Variants in PAWR observed in about 807,000 individuals in gnomAD.
PAWR encodes the protein PRKC apoptosis WT1 regulator protein.
A neutral mutation model predicts 32.0 loss-of-function variants in PAWR; 23 were observed. That is an observed-to-expected ratio of 0.72 (90% confidence interval 0.52 to 1.02). The LOEUF is 1.02. Among genes scored for constraint, PAWR ranks in the 50% least tolerant of loss-of-function variants. The pLI is 0.00. For missense variants in PAWR, 457 were observed against 437.7 expected (o/e 1.04, Z -0.39); for synonymous variants, 226 against 187.1 (o/e 1.21, Z -1.70).
At chr12:79,632,350 TATATATATATA>T (rs1566011135) in intron 2 of PAWR, among the ~76,000 whole-genome samples, 1,383 of 59,568 alleles carry the variant, frequency 0.023, 44 homozygotes, top group Non-Finnish European at 0.027. Flanking sequence ...TATATATATA[TATATATATATA>T]TTTTTTTTTT....
intron 2 of PAWR, among the ~76,000 whole-genome samples, chr12:79,641,602 A>T (rs1207129503): frequency 3.3e-5 from 5 of 152,270 alleles, no homozygotes; most frequent in Admixed American, 6.5e-5. Context: ...TAATCCCAGC[A>T]CTATGGGAGG....
In PAWR at chr12:79,589,178, A is replaced by C. The variant is rs1873474273; in HGVS notation, c.*3429T>G. 1 of 151,958 alleles carries C rather than the reference A, an allele frequency of 6.6e-6. No homozygotes were observed. The highest frequency in any genetic ancestry group is 2.1e-4 in the South Asian group (1 of 4,824). The allele number at this position is 151,958 out of a possible 1,614,324, so 9.4% of individuals were successfully genotyped here. A position where few individuals can be genotyped will look rare whatever the true frequency, so the allele number is the denominator to read the frequency against. On this transcript the variant is annotated 3_prime_UTR_variant, in exon 7 of 7. Transcript: ENST00000328827. ...AACTATACACATATGCACAAAAAAA[A>C]AACTCCAAAGAAAGATACCTATCAC... is the stretch of plus-strand genomic sequence containing the variant.
chr12:79,643,450 C>T (rs929675568), intron 2 of PAWR, among the ~76,000 whole-genome samples: 7 of 152,014 alleles, frequency 4.6e-5, no homozygotes, highest in Admixed American at 6.6e-5. Flanking sequence ...TACCCCCTGC[C>T]GTGAATGAGC....
chr12:79,620,399 T>C (rs924927751), intron 3 of PAWR, among the ~76,000 whole-genome samples: 7 of 152,158 alleles, frequency 4.6e-5, no homozygotes, highest in African/African-American at 1.7e-4. Flanking sequence ...GAAGAGCTGC[T>C]TGGCATAGAG....
chr12:79,690,148 T>C lies in PAWR; in HGVS notation c.97A>G (p.Lys33Glu). The change falls in exon 2 of 7, where the codon AAG becomes GAG. Residue 33 changes from lysine (K) to glutamate (E), a missense_variant. Transcript: ENST00000328827. ...GGGGCCGGGCCCGGGGGGTTCTGCT[T>C]GGCGCGCATCTTCTCGCGTTTCGCC... ...WKAKREKMRA[K>E]QNPPGPAPPG... 6.6e-7 allele frequency: 1 copy of C among 1,524,996 alleles called. No individual in the cohort carries two copies. The highest frequency in any genetic ancestry group is 8.8e-7 in the Non-Finnish European group (1 of 1,139,362). The allele number at this position is 1,524,996 out of a possible 1,614,324, so 94.5% of individuals were successfully genotyped here.
chr12:79,647,596 A>AACT (rs1291010391), intron 2 of PAWR, among the ~76,000 whole-genome samples: 1 of 152,224 alleles, frequency 6.6e-6, no homozygotes, highest in Non-Finnish European at 1.5e-5. Context: ...ATACTGACAG[A>AACT]ACTACCATTT....
chr12:79,668,523 A>G (rs1010902580), intron 2 of PAWR: 2 of 152,246 alleles, frequency 1.3e-5, no homozygotes, highest in Admixed American at 1.3e-4. Context: ...TCCATGGACC[A>G]GGGGGATAAT....
intron 2 of PAWR, among the ~76,000 whole-genome samples, chr12:79,645,276 A>G (rs1488691810): frequency 6.6e-6 from 1 of 152,172 alleles, no homozygotes; most frequent in Non-Finnish European, 1.5e-5. Context: ...TACTGTTTGG[A>G]CCAAACTACT....
Position 79,591,346 on chromosome 12 carries a change from TA to T in PAWR, c.*1260del. On this transcript the variant is annotated 3_prime_UTR_variant, in exon 7 of 7. Transcript: ENST00000328827. ...TGAAGGAAAAAGTCAGTAGAGTACCTAAAATGGATTTGACTATATTCAAGCC... is the reference window on the plus strand; with the variant it reads ...TGAAGGAAAAAGTCAGTAGAGTACCTAAATGGATTTGACTATATTCAAGCC... 6.6e-6 allele frequency: 1 copy of T among 152,314 alleles called. No homozygotes were observed. 9.4% of individuals were successfully genotyped at this position (152,314 alleles called of 1,614,324 possible).
At chr12:79,665,917 AT>A (rs1877579829) in intron 2 of PAWR, among the ~76,000 whole-genome samples, 1 of 152,222 alleles carries the variant, frequency 6.6e-6, no homozygotes, top group Admixed American at 6.5e-5. Context: ...ATAAATAAGC[AT>A]TTTAAGCTAA....
chr12:79,656,203 T>A (rs1286941216), intron 2 of PAWR, among the ~76,000 whole-genome samples: 1 of 152,198 alleles, frequency 6.6e-6, no homozygotes, highest in Non-Finnish European at 1.5e-5. Context: ...TTTGGACTTG[T>A]CCTAAAGAAA....
chr12:79,615,817 G>A (rs1036207192), intron 3 of PAWR, among the ~76,000 whole-genome samples: 13 of 152,110 alleles, frequency 8.5e-5, no homozygotes, highest in African/African-American at 3.1e-4. Flanking sequence ...AGCACTTTGG[G>A]AGGCTGAGGG....
At chr12:79,647,109 A>G (rs1876611009) in intron 2 of PAWR, among the ~76,000 whole-genome samples, 1 of 149,780 alleles carries the variant, frequency 6.7e-6, no homozygotes, top group Admixed American at 6.8e-5. Context: ...CAGGAGGCAG[A>G]GGTTGCAGTG....
chr12:79,657,761 C>T (rs1327080917), intron 2 of PAWR, among the ~76,000 whole-genome samples: 28 of 151,626 alleles, frequency 1.8e-4, no homozygotes, highest in Admixed American at 3.3e-4. Flanking sequence ...GCCACTGCAC[C>T]CCAGCCTGGG....
intron 2 of PAWR, among the ~76,000 whole-genome samples, chr12:79,671,736 T>A (rs2136854675): frequency 6.6e-6 from 1 of 151,984 alleles, no homozygotes; most frequent in African/African-American, 2.4e-5. Flanking sequence ...ATACTCAAAA[T>A]GTTAAGATTA....
chr12:79,596,508 T>C lies in PAWR; in HGVS notation c.831+3A>G, dbSNP rs150110662. 1.1e-4 allele frequency: 169 copies of C among 1,485,266 alleles called. 1 individual carries two copies. In the East Asian group the frequency reaches 2.7e-3, roughly 23 times the overall value. 92.0% of individuals were successfully genotyped at this position (1,485,266 alleles called of 1,614,324 possible). A position where few individuals can be genotyped will look rare whatever the true frequency, so the allele number is the denominator to read the frequency against. On this transcript the variant is annotated splice_donor_region_variant and intron_variant, in intron 5 of 6. Coordinates refer to ENST00000328827, the MANE Select transcript of PAWR (RefSeq NM_002583.4). Reference sequence around the variant, plus strand: ...TCAATCTTAAATAACTTATAATCCATACCTTTTCAAGATCTTCAATTTTCT... The same window carrying C: ...TCAATCTTAAATAACTTATAATCCACACCTTTTCAAGATCTTCAATTTTCT...
intron 6 of PAWR, among the ~76,000 whole-genome samples, chr12:79,593,304 T>C (rs1027568634): frequency 3.9e-5 from 6 of 152,154 alleles, no homozygotes; most frequent in Non-Finnish European, 8.8e-5. Flanking sequence ...TCTACGACAT[T>C]TTGAAGGAAA....
In PAWR at chr12:79,682,859, A is replaced by G. The variant is rs556977062; in HGVS notation, c.516+6870T>C. Among the ~76,000 whole-genome samples the G allele has an allele frequency of 5.3e-5, 8 of 152,364 alleles. No homozygotes were observed. The South Asian group carries it at 1.7e-3, about 32-fold the overall frequency. On this transcript the variant is annotated intron_variant, in intron 2 of 6. Transcript: ENST00000328827. Reference sequence around the variant, plus strand: ...AGGATGCCTATAGGTCTAACATGTAAGATTTGTAATCAATGGGAAAAATGT... The same window carrying G: ...AGGATGCCTATAGGTCTAACATGTAGGATTTGTAATCAATGGGAAAAATGT...
intron 2 of PAWR, among the ~76,000 whole-genome samples, chr12:79,630,461 G>C (rs1212311657): frequency 6.6e-6 from 1 of 151,934 alleles, no homozygotes; most frequent in Admixed American, 6.6e-5. Context: ...CACTGCACTT[G>C]GCTAATTTTT....
Sources: gnomAD v4.1 joint callset for allele counts (sites outside exome capture counted in the v4.1 genomes callset) on GRCh38, gnomAD v4.1.1 for gene constraint, MANE v1.5 for transcripts, NCBI Gene and HGNC (gene_info 2026-07-23, HGNC 2026-07-21) for gene names.